The following TTC12 variants were observed in gnomAD, a reference collection of about 807,000 sequenced individuals.
The protein encoded by TTC12 is tetratricopeptide repeat domain 12, also known as tetratricopeptide repeat protein 12.
A neutral mutation model predicts 90.1 loss-of-function variants in TTC12; 70 were observed. The observed-to-expected ratio is 0.78, with a 90% CI of 0.64 to 0.95. The LOEUF (loss-of-function observed/expected upper bound fraction) is 0.95. Among genes scored for constraint, TTC12 ranks in the 40% least tolerant of loss-of-function variants. The probability of loss-of-function intolerance (pLI) is 0.00; values close to 1 mark genes in which losing one functional copy is unlikely to be tolerated. For missense variants in TTC12, 819 were observed against 846.1 expected (o/e 0.97, Z 0.40); for synonymous variants, 296 against 311.5 (o/e 0.95, Z 0.53).
intron 11 of TTC12, 99 bp from the exon 12 acceptor site, chr11:113,341,738 C>G (rs1555146102): frequency 6.6e-6 from 6 of 913,174 alleles, no homozygotes; most frequent in Non-Finnish European, 1.1e-5. Flanking sequence ...TTTCTCAAAC[C>G]TGTATTTGGT....
Position 113,325,453 on chromosome 11 carries a change from C to T in TTC12, c.323-71C>T, listed in dbSNP as rs1030434776. Reference sequence around the variant, plus strand: ...GACCTTCGAAATAGAATTGGAAAATCGGGGGAATAAAGTCTGAGAGATTTT... The same window carrying T: ...GACCTTCGAAATAGAATTGGAAAATTGGGGGAATAAAGTCTGAGAGATTTT... On this transcript the variant is annotated intron_variant, in intron 5 of 21. Coordinates refer to ENST00000529221, the MANE Select transcript of TTC12 (RefSeq NM_017868.4). 53 of 1,568,900 alleles carry T rather than the reference C, an allele frequency of 3.4e-5. No homozygotes were observed. The Admixed American group carries it at 3.6e-4, about 11-fold the overall frequency.
In TTC12 at chr11:113,334,993, T is replaced by A; in HGVS notation, c.532T>A (p.Phe178Ile). ...KCDEKCTKAYFHMGKANLALK... is the reference protein window; with the variant it reads ...KCDEKCTKAYIHMGKANLALK... ...TGATGAAAAATGCACAAAAGCATAT[T>A]TTCACATGGGAAAAGCCAACCTGGC... The change falls in exon 8 of 22, where the codon TTT becomes ATT. Residue 178 changes from phenylalanine to isoleucine, a missense_variant. Coordinates refer to ENST00000529221, the MANE Select transcript of TTC12 (RefSeq NM_017868.4). The A allele has an allele frequency of 6.2e-7, 1 of 1,614,012 alleles. No homozygotes were observed. The highest frequency in any genetic ancestry group is 8.5e-7 in the Non-Finnish European group (1 of 1,179,882).
At chr11:113,326,703 C>T (rs1361143738) in intron 6 of TTC12, among the ~76,000 whole-genome samples, 1 of 152,148 alleles carries the variant, frequency 6.6e-6, no homozygotes, top group African/African-American at 2.4e-5. Context: ...TTTAAACTAT[C>T]CCAATTTTGG....
downstream of TTC12, chr11:113,368,706 C>T (rs1400257011): frequency 5.0e-6 from 3 of 595,246 alleles, no homozygotes; most frequent in East Asian, 5.6e-5. Context: ...GATGCTGCAA[C>T]AGGTCACGGG....
chr11:113,317,122 T>C (rs768226114), intron 2 of TTC12, among the ~76,000 whole-genome samples: 9 of 152,236 alleles, frequency 5.9e-5, no homozygotes, highest in Non-Finnish European at 1.2e-4. Context: ...CACTGCCACC[T>C]TTCTCTTCAG....
intron 7 of TTC12, among the ~76,000 whole-genome samples, chr11:113,333,842 C>G (rs1172056631): frequency 6.6e-6 from 1 of 152,142 alleles, no homozygotes; most frequent in Non-Finnish European, 1.5e-5. Flanking sequence ...TTATTCTTCT[C>G]TCTTTTATTA....
Position 113,324,675 on chromosome 11 carries a change from G to C in TTC12, c.315G>C (p.Leu105Phe). The change falls in exon 5 of 22, where the codon TTG (leucine) becomes TTC (phenylalanine). Residue 105 changes from leucine (L) to phenylalanine (F), a missense_variant. Physicochemically the swap from Leu to Phe is conservative, Grantham distance 22. Transcript: ENST00000529221. ...RAKRRRENKVLADALKEKGNE... is the reference protein window; with the variant it reads ...RAKRRRENKVFADALKEKGNE... ...AGAGAAGAAGGGAAAACAAAGTCTT[G>C]GCGGATGGTAATTGTCAGTCCTTAC... 6 of 1,613,770 alleles carry C rather than the reference G, an allele frequency of 3.7e-6. No homozygotes were observed. The highest frequency in any genetic ancestry group is 4.2e-6 in the Non-Finnish European group (5 of 1,179,878).
chr11:113,339,521 G>A, intron 10 of TTC12, 47 bp downstream of exon 10: 1 of 1,528,718 alleles, frequency 6.5e-7, no homozygotes, highest in Non-Finnish European at 8.9e-7. Context: ...CAGTGTGAAG[G>A]GACACATTCA....
downstream of TTC12, among the ~76,000 whole-genome samples, chr11:113,367,763 T>G (rs1284284844): frequency 1.3e-5 from 2 of 152,172 alleles, no homozygotes; most frequent in Non-Finnish European, 2.9e-5. Flanking sequence ...GAGCCCCTCA[T>G]TCAGATTGAT....
At chr11:113,343,263 G>T (rs1321438159) in intron 12 of TTC12, among the ~76,000 whole-genome samples, 2 of 152,132 alleles carry the variant, frequency 1.3e-5, no homozygotes, top group African/African-American at 4.8e-5. Flanking sequence ...TTACCCGGAG[G>T]GGGTATCAAC....
At chr11:113,365,770 G>C (rs10891539) in intron 21 of TTC12, among the ~76,000 whole-genome samples, 59,010 of 152,146 alleles carry the variant, frequency 0.39, 13,483 homozygotes, top group Non-Finnish European at 0.53. Context: ...GAGTGAGAGA[G>C]GCTCCTTCCC....
chr11:113,323,993 G>C lies in TTC12; in HGVS notation c.223-1G>C. On this transcript the variant is annotated splice_acceptor_variant, in intron 3 of 21. Transcript: ENST00000529221. LOFTEE classifies it high-confidence loss of function. The stretch of plus-strand genomic sequence containing the variant: ...GTTTTTATGGTAACCTACGTCTACA[G>C]AGTGCAGAAGAAATAAACTCAGGTA... The C allele has an allele frequency of 6.2e-7, 1 of 1,611,490 alleles. No homozygotes were observed. The highest frequency in any genetic ancestry group is 8.5e-7 in the Non-Finnish European group (1 of 1,178,290).
chr11:113,323,578 TAAGA>T, intron 3 of TTC12, 127 bp downstream of exon 3: 1 of 597,192 alleles, frequency 1.7e-6, no homozygotes, highest in Non-Finnish European at 2.6e-6. Context: ...TTATTTTTTA[TAAGA>T]AAGTATAAAA....
intron 2 of TTC12, among the ~76,000 whole-genome samples, chr11:113,317,563 G>C (rs546489281): frequency 1.3e-5 from 2 of 152,080 alleles, no homozygotes; most frequent in African/African-American, 4.8e-5. Context: ...ACTTCCCACA[G>C]AGTAATGTAT....
In TTC12 at chr11:113,317,170, T is replaced by C. The variant is rs1946991835; in HGVS notation, c.58+855T>C. ...TGTAGCTTTACCTGCCACCTGTTTGTTCATGACCCCCACATCTACATGGAC... is the reference window on the plus strand; with the variant it reads ...TGTAGCTTTACCTGCCACCTGTTTGCTCATGACCCCCACATCTACATGGAC... On this transcript the variant is annotated intron_variant, in intron 2 of 21. Transcript: ENST00000529221. 2.6e-5 allele frequency among the ~76,000 whole-genome samples: 4 copies of C among 152,218 alleles called. No homozygotes were observed. The South Asian group carries it at 8.3e-4, about 32-fold the overall frequency.
chr11:113,341,601 C>G (rs1276102698), intron 11 of TTC12: 3 of 526,088 alleles, frequency 5.7e-6, no homozygotes, highest in Non-Finnish European at 1.0e-5. Context: ...GCAGCCATCG[C>G]CCATGGCCCT....
chr11:113,364,467 G>A, intron 20 of TTC12: 1 of 305,746 alleles, frequency 3.3e-6, no homozygotes, highest in South Asian at 3.5e-5. Flanking sequence ...GCAGGTGTAG[G>A]TTGCTGGCAC....
At chr11:113,352,347 G>C in intron 16 of TTC12, 140 bp downstream of exon 16, 1 of 1,013,796 alleles carries the variant, frequency 9.9e-7, no homozygotes. Flanking sequence ...CTGTAACCAC[G>C]GATTTTATGC....
intron 18 of TTC12, among the ~76,000 whole-genome samples, chr11:113,361,198 C>A (rs183607792): frequency 2.0e-5 from 3 of 152,254 alleles, no homozygotes; most frequent in African/African-American, 4.8e-5. Flanking sequence ...ATTCTAGGAT[C>A]TTTAGGAAGC....
Sources: allele counts gnomAD v4.1 joint callset (sites outside exome capture counted in the v4.1 genomes callset), GRCh38; gene constraint gnomAD v4.1.1; transcripts MANE v1.5; gene names NCBI Gene and HGNC (gene_info 2026-07-23, HGNC 2026-07-21).